Variants in AOPEP observed in about 807,000 individuals in gnomAD.
AOPEP encodes aminopeptidase O (putative), also known as aminopeptidase O.
A neutral mutation model predicts 98.1 loss-of-function variants in AOPEP; 77 were observed. The ratio of observed to expected loss-of-function variants is 0.78; its 90% CI spans 0.65 to 0.95. AOPEP has a LOEUF of 0.95. Among genes scored for constraint, AOPEP ranks in the 40% least tolerant of loss-of-function variants. The probability of loss-of-function intolerance (pLI) is 0.00; values close to 1 mark genes in which losing one functional copy is unlikely to be tolerated. For synonymous variants in AOPEP, 346 were observed against 365.3 expected (o/e 0.95, Z 0.60); for missense variants, 1,024 against 1,024.7 (o/e 1.00, Z 0.01).
At chr9:94,885,588 G>T (rs1182488774) in intron 5 of AOPEP, among the ~76,000 whole-genome samples, 3 of 151,968 alleles carry the variant, frequency 2.0e-5, no homozygotes, top group Non-Finnish European at 4.4e-5. Context: ...ACAGCTAACT[G>T]CAGGGGAAGC....
intron 5 of AOPEP, among the ~76,000 whole-genome samples, chr9:94,894,135 G>A (rs989489484): frequency 6.6e-6 from 1 of 152,124 alleles, no homozygotes; most frequent in Admixed American, 6.5e-5. Context: ...GATGAAAAAT[G>A]TATAGTCTAA....
chr9:94,977,915 C>G (rs2059949701), intron 10 of AOPEP, among the ~76,000 whole-genome samples: 1 of 152,214 alleles, frequency 6.6e-6, no homozygotes, highest in South Asian at 2.1e-4. Flanking sequence ...CCTCCATGAA[C>G]TTTTTCTGTT....
downstream of AOPEP, among the ~76,000 whole-genome samples, chr9:95,090,961 C>T (rs978150812): frequency 6.6e-6 from 1 of 152,210 alleles, no homozygotes; most frequent in Admixed American, 6.5e-5. Context: ...GACGGAAAAC[C>T]TGCCCTCAAT....
chr9:94,997,190 A>G (rs922924441), intron 11 of AOPEP, among the ~76,000 whole-genome samples: 1 of 152,212 alleles, frequency 6.6e-6, no homozygotes. Context: ...TCTGGGTAGA[A>G]TGTTGAAATC....
At chr9:94,802,293 C>CTATT (rs1240529508) in intron 5 of AOPEP, among the ~76,000 whole-genome samples, 1 of 151,924 alleles carries the variant, frequency 6.6e-6, no homozygotes, top group African/African-American at 2.4e-5. Flanking sequence ...TTGAGGGGCC[C>CTATT]TATTTACTTG....
At chr9:95,005,510 T>G (rs1280112156) in intron 12 of AOPEP, 32 bp from the exon 13 acceptor site, 1 of 1,602,992 alleles carries the variant, frequency 6.2e-7, no homozygotes, top group Non-Finnish European at 8.5e-7. Context: ...CCCTGTCGCC[T>G]TCTTTGAAAT....
chr9:94,880,671 T>C (rs894426), intron 5 of AOPEP, among the ~76,000 whole-genome samples: 136,641 of 152,268 alleles, frequency 0.9, 61,919 homozygotes, highest in East Asian at 0.97. Flanking sequence ...GTTTCCATAA[T>C]GTGCCAAAAT....
intron 3 of AOPEP, among the ~76,000 whole-genome samples, chr9:94,784,002 T>C (rs1224390732): frequency 6.6e-6 from 1 of 152,226 alleles, no homozygotes; most frequent in Non-Finnish European, 1.5e-5. Flanking sequence ...TCCGAATGCT[T>C]CATGCTGTTT....
intron 1 of AOPEP, among the ~76,000 whole-genome samples, chr9:94,736,594 G>A (rs1474463505): frequency 6.6e-6 from 1 of 152,116 alleles, no homozygotes; most frequent in East Asian, 1.9e-4. Flanking sequence ...AGTTTAAAAT[G>A]TTTTGTGAAT....
At chr9:94,823,753 A>G (rs944922692) in intron 5 of AOPEP, among the ~76,000 whole-genome samples, 3 of 152,200 alleles carry the variant, frequency 2.0e-5, no homozygotes, top group Admixed American at 6.5e-5. Context: ...GAGTTTTACA[A>G]TAGCCTCAGA....
At chr9:94,794,858 G>A (rs1846563779) in intron 4 of AOPEP, among the ~76,000 whole-genome samples, 1 of 152,140 alleles carries the variant, frequency 6.6e-6, no homozygotes, top group African/African-American at 2.4e-5. Flanking sequence ...TTCTGAGTGA[G>A]GATGACAGGT....
chr9:94,735,147 AG>A (rs1206340582), intron 1 of AOPEP, among the ~76,000 whole-genome samples: 1 of 152,232 alleles, frequency 6.6e-6, no homozygotes, highest in African/African-American at 2.4e-5. Context: ...CAGAAACACT[AG>A]ATACATAAAA....
chr9:94,833,235 C>CTTTTT (rs34212567), intron 5 of AOPEP, among the ~76,000 whole-genome samples: 195 of 70,248 alleles, frequency 2.8e-3, no homozygotes, highest in Non-Finnish European at 3.1e-3. Flanking sequence ...CACACCCGTC[C>CTTTTT]TTTTTTTTTT....
chr9:94,819,883 T>G (rs750523662), intron 5 of AOPEP, among the ~76,000 whole-genome samples: 1 of 152,004 alleles, frequency 6.6e-6, no homozygotes, highest in Non-Finnish European at 1.5e-5. Flanking sequence ...CAAAAGGGAT[T>G]TTAATTTTGC....
intron 1 of AOPEP, among the ~76,000 whole-genome samples, chr9:94,731,515 C>G (rs539242187): frequency 6.6e-6 from 1 of 152,022 alleles, no homozygotes; most frequent in Non-Finnish European, 1.5e-5. Flanking sequence ...CGTGAGCCAC[C>G]GTGCCCGGCC....
chr9:95,022,994 C>G (rs918525175), intron 13 of AOPEP, among the ~76,000 whole-genome samples: 9 of 152,288 alleles, frequency 5.9e-5, no homozygotes, highest in African/African-American at 2.2e-4. Flanking sequence ...GGTTTGTGAT[C>G]AGACAAACTG....
chr9:95,086,136 C>T (rs753340810), intron 16 of AOPEP: 1 of 1,358,674 alleles, frequency 7.4e-7, no homozygotes, highest in Admixed American at 1.9e-5. Flanking sequence ...GCCCGAGGCT[C>T]AGGAGAGCTG....
the AOPEP span, among the ~76,000 whole-genome samples, chr9:95,132,471 G>A: frequency 3.3e-3 from 509 of 152,238 alleles, 9 homozygotes; most frequent in South Asian, 0.043. Context: ...TGGTCTTCCC[G>A]TGCCCATGCT....
intron 1 of AOPEP, among the ~76,000 whole-genome samples, chr9:94,734,528 G>A (rs1268018478): frequency 4.6e-5 from 7 of 152,160 alleles, no homozygotes; most frequent in Admixed American, 4.6e-4. Context: ...AGGAAGCCCT[G>A]CAGTAAGTGG....
Sources: gnomAD v4.1 joint callset for allele counts (sites outside exome capture counted in the v4.1 genomes callset) on GRCh38, gnomAD v4.1.1 for gene constraint, MANE v1.5 for transcripts, NCBI Gene and HGNC (gene_info 2026-07-23, HGNC 2026-07-21) for gene names.